RBFOX1: variants seen among roughly 807,000 people sequenced by gnomAD.
RBFOX1 encodes the protein RNA binding fox-1 homolog 1.
A neutral mutation model predicts 57.7 loss-of-function variants in RBFOX1; 8 were observed. That is an observed-to-expected ratio of 0.14 (90% confidence interval 0.08 to 0.25). The LOEUF (loss-of-function observed/expected upper bound fraction) is 0.25. Among genes scored for constraint, RBFOX1 ranks in the 10% least tolerant of loss-of-function variants. RBFOX1 has a pLI of 1.00. For synonymous variants in RBFOX1, 326 were observed against 222.4 expected (o/e 1.47, Z -4.15); for missense variants, 611 against 548.5 (o/e 1.11, Z -1.14).
chr16:7,206,588 T>A (rs2090025695), intron 4 of RBFOX1, among the ~76,000 whole-genome samples: 1 of 152,050 alleles, frequency 6.6e-6, no homozygotes, highest in Non-Finnish European at 1.5e-5. Flanking sequence ...TAAGGCTGAT[T>A]TTATTGCCAG....
intron 4 of RBFOX1, among the ~76,000 whole-genome samples, chr16:7,240,346 T>C (rs113898853): frequency 2.6e-5 from 4 of 152,276 alleles, no homozygotes; most frequent in African/African-American, 9.6e-5. Flanking sequence ...GTACTTTACA[T>C]ATATTAATGA....
rs1056665709 is a variant in RBFOX1, at chr16:5,692,546, G to A, written c.318+93585G>A. Among the ~76,000 whole-genome samples, 8 of 152,146 alleles carry A rather than the reference G, an allele frequency of 5.3e-5. No homozygotes were observed. The South Asian group carries it at 6.2e-4, about 12-fold the overall frequency. ...GAGAAAGTCCATTTCTGCTGTACCC[G>A]GTCTCCTAATGCAGCAAATTAGTGT... On this transcript the variant is annotated intron_variant, in intron 3 of 19. Transcript: ENST00000641259.
At chr16:7,294,766 A>G (rs2141745959) in intron 4 of RBFOX1, among the ~76,000 whole-genome samples, 2 of 147,132 alleles carry the variant, frequency 1.4e-5, no homozygotes, top group Admixed American at 1.3e-4. Flanking sequence ...ATTGTAAAAA[A>G]TGATGAATAT....
At chr16:5,264,888 T>A (rs923281021) in intron 1 of RBFOX1, among the ~76,000 whole-genome samples, 5 of 152,140 alleles carry the variant, frequency 3.3e-5, no homozygotes, top group Non-Finnish European at 7.3e-5. Context: ...CACACCTCCC[T>A]GCAGATGTAG....
At chr16:6,188,394 T>C (rs2097120407) in intron 1 of RBFOX1, among the ~76,000 whole-genome samples, 1 of 144,816 alleles carries the variant, frequency 6.9e-6, no homozygotes, top group African/African-American at 2.6e-5. Flanking sequence ...GAAATTTATC[T>C]GCTGTTATTG....
intron 1 of RBFOX1, among the ~76,000 whole-genome samples, chr16:6,042,505 C>T (rs2095448502): frequency 6.6e-6 from 1 of 152,152 alleles, no homozygotes; most frequent in Non-Finnish European, 1.5e-5. Context: ...CGCAATCCAT[C>T]TGCAAACTTA....
intron 3 of RBFOX1, among the ~76,000 whole-genome samples, chr16:6,873,583 T>G (rs140920837): frequency 3.5e-4 from 54 of 152,314 alleles, no homozygotes; most frequent in African/African-American, 1.3e-3. Context: ...ACTATTGAGT[T>G]AAACATATTA....
intron 4 of RBFOX1, among the ~76,000 whole-genome samples, chr16:7,220,672 G>A (rs533599659): frequency 6.6e-6 from 1 of 152,252 alleles, no homozygotes; most frequent in Non-Finnish European, 1.5e-5. Context: ...GTACATGGGG[G>A]GATGGCAGTA....
intron 3 of RBFOX1, among the ~76,000 whole-genome samples, chr16:6,828,160 T>G (rs1033726529): frequency 3.3e-5 from 5 of 152,158 alleles, no homozygotes; most frequent in Non-Finnish European, 5.9e-5. Flanking sequence ...GGAAGGCCAG[T>G]GACTCACAGA....
At chr16:5,485,063 A>G (rs2069678767) in intron 2 of RBFOX1, among the ~76,000 whole-genome samples, 1 of 151,436 alleles carries the variant, frequency 6.6e-6, no homozygotes, top group Admixed American at 6.6e-5. Flanking sequence ...AAAAAAAGTT[A>G]AGGCTGGGCA....
At chr16:6,788,320 A>G (rs892796952) in intron 3 of RBFOX1, among the ~76,000 whole-genome samples, 12 of 152,226 alleles carry the variant, frequency 7.9e-5, no homozygotes, top group African/African-American at 2.6e-4. Context: ...CAGCATCTGC[A>G]GAGTATTTTA....
At position 6,894,121 on chromosome 16, in the gene RBFOX1, G is replaced by C. The variant is rs149227534; in HGVS notation, c.-15-157936G>C. 2.6e-5 allele frequency among the ~76,000 whole-genome samples: 4 copies of C among 152,260 alleles called. No individual in the cohort carries two copies. The East Asian group carries it at 7.7e-4, about 29-fold the overall frequency. ...AGACGAACAGATACAAACATACATA[G>C]ATTATGGACAGAGATAGAATGATCT... On this transcript the variant is annotated intron_variant, in intron 3 of 15. Coordinates refer to ENST00000550418, the MANE Select transcript of RBFOX1 (RefSeq NM_018723.4).
intron 4 of RBFOX1, among the ~76,000 whole-genome samples, chr16:7,267,256 T>C (rs943759946): frequency 6.6e-6 from 1 of 151,304 alleles, no homozygotes; most frequent in African/African-American, 2.4e-5. Context: ...AAAATTTAGC[T>C]GGGCACGGTG....
intron 4 of RBFOX1, among the ~76,000 whole-genome samples, chr16:7,276,415 A>T (rs571312460): frequency 6.6e-6 from 1 of 152,240 alleles, no homozygotes; most frequent in Non-Finnish European, 1.5e-5. Flanking sequence ...CTGGACATCC[A>T]TTAGAATGAC....
chr16:6,466,295 C>CA (rs1345409947), intron 2 of RBFOX1, among the ~76,000 whole-genome samples: 4 of 151,018 alleles, frequency 2.6e-5, no homozygotes, highest in Non-Finnish European at 5.9e-5. Flanking sequence ...ATATTCTTGA[C>CA]TGCATCTTAA....
chr16:6,985,503 G>T (rs1296021331), intron 3 of RBFOX1, among the ~76,000 whole-genome samples: 3 of 152,074 alleles, frequency 2.0e-5, no homozygotes, highest in African/African-American at 7.2e-5. Context: ...ATTAACTAAA[G>T]AACACTATGT....
At chr16:7,108,973 G>A (rs545894227) in intron 4 of RBFOX1, among the ~76,000 whole-genome samples, 12 of 152,246 alleles carry the variant, frequency 7.9e-5, no homozygotes, top group South Asian at 6.2e-4. Context: ...GAAGCATAAC[G>A]TTATGTGTGG....
At chr16:6,709,821 C>A (rs1039999135) in intron 3 of RBFOX1, among the ~76,000 whole-genome samples, 1 of 152,070 alleles carries the variant, frequency 6.6e-6, no homozygotes, top group Admixed American at 6.6e-5. Context: ...AGCTTTCAGG[C>A]CAGATCAGAA....
chr16:6,809,009 C>G (rs2087701926), intron 3 of RBFOX1, among the ~76,000 whole-genome samples: 1 of 152,142 alleles, frequency 6.6e-6, no homozygotes, highest in African/African-American at 2.4e-5. Context: ...GACTGAAAAC[C>G]TGACTTAGGA....
Sources: gnomAD v4.1 joint callset for allele counts (sites outside exome capture counted in the v4.1 genomes callset) on GRCh38, gnomAD v4.1.1 for gene constraint, MANE v1.5 for transcripts, NCBI Gene and HGNC (gene_info 2026-07-23, HGNC 2026-07-21) for gene names.